The following RNF150 variants were observed in gnomAD, a reference collection of about 807,000 sequenced individuals.
RNF150 encodes ring finger protein 150.
Under a neutral mutation model 39.3 loss-of-function variants are expected in RNF150, and 24 were observed. The ratio of observed to expected loss-of-function variants is 0.61; its 90% CI spans 0.44 to 0.86. RNF150 has a LOEUF of 0.86. Ranked by LOEUF, RNF150 falls within the 40% of genes least tolerant of loss-of-function variation. RNF150 has a pLI of 0.00. For synonymous variants in RNF150, 255 were observed against 227.3 expected, an observed-to-expected ratio of 1.12 and a Z score of -1.10; for missense variants, 502 against 587.8, an observed-to-expected ratio of 0.85 and a Z score of 1.51.
chr4:141,031,816 G>C (rs1265996748), intron 1 of RNF150, among the ~76,000 whole-genome samples: 2 of 152,124 alleles, frequency 1.3e-5, no homozygotes, highest in African/African-American at 4.8e-5. Context: ...TAAATTAGTA[G>C]AGCCATTATG....
intron 2 of RNF150, among the ~76,000 whole-genome samples, chr4:140,955,177 C>A (rs1385624012): frequency 6.6e-6 from 1 of 152,188 alleles, no homozygotes; most frequent in Non-Finnish European, 1.5e-5. Flanking sequence ...AGTCATAGCA[C>A]AGCCAGTTCA....
At chr4:140,918,980 C>T (rs1730979792) in intron 5 of RNF150, among the ~76,000 whole-genome samples, 1 of 152,106 alleles carries the variant, frequency 6.6e-6, no homozygotes, top group Non-Finnish European at 1.5e-5. Flanking sequence ...TGACAAAATT[C>T]AACAACCATT....
At chr4:141,066,635 C>G (rs1737472958) in intron 1 of RNF150, among the ~76,000 whole-genome samples, 1 of 152,152 alleles carries the variant, frequency 6.6e-6, no homozygotes, top group Admixed American at 6.5e-5. Context: ...GATATTTCTA[C>G]AAATTTTTTT....
chr4:141,137,767 G>T (rs1727049815), upstream of RNF150, among the ~76,000 whole-genome samples: 3 of 152,118 alleles, frequency 2.0e-5, no homozygotes, highest in South Asian at 2.1e-4. Flanking sequence ...CTTTTCCAAA[G>T]GTTTGCCTCA....
At chr4:141,131,913 G>T (rs771689767) in intron 1 of RNF150, among the ~76,000 whole-genome samples, 6 of 152,102 alleles carry the variant, frequency 3.9e-5, no homozygotes, top group Non-Finnish European at 8.8e-5. Context: ...TATAGCGCCT[G>T]CATCAGGGTA....
chr4:140,911,381 T>G, intron 5 of RNF150, 27 bp from the exon 6 acceptor site: 1 of 1,579,986 alleles, frequency 6.3e-7, no homozygotes, highest in Non-Finnish European at 8.7e-7. Context: ...AGATCTGTTC[T>G]CAGTACATGT....
rs1164446818 is a variant in RNF150, at chr4:140,942,844, T to C, written c.890+4810A>G. On this transcript the variant is annotated intron_variant, in intron 4 of 6. Transcript: ENST00000515673. ...AAAGTTGGGAAGCATCTACCAAAGATGATAACATGAGTTTTAGAGAATTTT... is the reference window on the plus strand; with the variant it reads ...AAAGTTGGGAAGCATCTACCAAAGACGATAACATGAGTTTTAGAGAATTTT... Among the ~76,000 whole-genome samples the C allele has an allele frequency of 2.6e-5, 4 of 152,192 alleles. No homozygotes were observed. In the East Asian group the frequency reaches 7.7e-4, roughly 29 times the overall value.
At chr4:141,071,597 T>C (rs986972388) in intron 1 of RNF150, among the ~76,000 whole-genome samples, 25 of 152,208 alleles carry the variant, frequency 1.6e-4, no homozygotes, top group Admixed American at 5.9e-4. Context: ...ATTTAAAATA[T>C]GGTACAAATC....
chr4:140,947,773 A>G, intron 3 of RNF150, 37 bp from the exon 4 acceptor site: 2 of 1,398,894 alleles, frequency 1.4e-6, no homozygotes, highest in East Asian at 2.5e-5. Flanking sequence ...CTATTTTCTT[A>G]GCTTCATCTC....
chr4:141,126,260 T>A (rs1363792218), intron 1 of RNF150, among the ~76,000 whole-genome samples: 1 of 152,166 alleles, frequency 6.6e-6, no homozygotes, highest in Admixed American at 6.5e-5. Flanking sequence ...ATCTAAGTGA[T>A]AGAGAATCAC....
chr4:140,879,445 G>T (rs1341800151), intron 6 of RNF150, among the ~76,000 whole-genome samples: 1 of 152,128 alleles, frequency 6.6e-6, no homozygotes, highest in Non-Finnish European at 1.5e-5. Flanking sequence ...CTTTCACCTT[G>T]TTCATTAAGT....
rs575304487 is a variant in RNF150 at position 140,915,823 on chromosome 4, G to T, written c.988-4469C>A. Among the ~76,000 whole-genome samples, 543 of 152,260 alleles carry T rather than the reference G, an allele frequency of 3.6e-3. 4 individuals carry two copies. Among genetic ancestry groups the T allele is most frequent in the African/African-American group, 0.013 (526 of 41,538 alleles). ...GTAGGGGCGGACTGACACCTCACAC[G>T]GCCGGGTACTCGTCTGAGACAAAAC... On this transcript the variant is annotated intron_variant, in intron 5 of 6. Transcript: ENST00000515673.
chr4:141,193,072 T>C (rs953781411), intron 1 of RNF150, among the ~76,000 whole-genome samples: 1 of 152,244 alleles, frequency 6.6e-6, no homozygotes, highest in Non-Finnish European at 1.5e-5. Flanking sequence ...GCTTTTAGTT[T>C]TCTTCTTAGC....
intron 6 of RNF150, among the ~76,000 whole-genome samples, chr4:140,887,706 C>G (rs1243693467): frequency 6.6e-6 from 1 of 152,010 alleles, no homozygotes; most frequent in Middle Eastern, 3.2e-3. Context: ...GATGGAAACA[C>G]AAAGTCTGGT....
intron 1 of RNF150, among the ~76,000 whole-genome samples, chr4:141,203,746 C>T (rs1041676832): frequency 7.1e-6 from 1 of 140,588 alleles, no homozygotes; most frequent in African/African-American, 2.5e-5. Flanking sequence ...AAAAGTCCCC[C>T]TGAGAAGGAA....
intron 1 of RNF150, among the ~76,000 whole-genome samples, chr4:141,185,076 G>C (rs887363518): frequency 6.6e-6 from 1 of 151,990 alleles, no homozygotes; most frequent in African/African-American, 2.4e-5. Flanking sequence ...AAAGTCAATG[G>C]TAGCTTAATG....
At chr4:141,116,374 C>A (rs997308571) in intron 1 of RNF150, among the ~76,000 whole-genome samples, 1 of 152,098 alleles carries the variant, frequency 6.6e-6, no homozygotes, top group Admixed American at 6.6e-5. Flanking sequence ...ATGCGGCCAA[C>A]AAACATATGA....
intron 6 of RNF150, among the ~76,000 whole-genome samples, chr4:140,903,551 C>T (rs1345654701): frequency 6.6e-6 from 1 of 152,188 alleles, no homozygotes; most frequent in Non-Finnish European, 1.5e-5. Flanking sequence ...CAGCTGCTGC[C>T]TCACTGCCGA....
chr4:140,871,736 C>T (rs1728954291), intron 6 of RNF150, among the ~76,000 whole-genome samples: 2 of 152,212 alleles, frequency 1.3e-5, no homozygotes, highest in African/African-American at 4.8e-5. Flanking sequence ...CAACTTCATT[C>T]TGGCTTTGCA....
Sources: allele counts gnomAD v4.1 joint callset (sites outside exome capture counted in the v4.1 genomes callset), GRCh38; gene constraint gnomAD v4.1.1; transcripts MANE v1.5; gene names NCBI Gene and HGNC (gene_info 2026-07-23, HGNC 2026-07-21).